The following GRID1 variants were observed in gnomAD, a reference collection of about 807,000 sequenced individuals.
GRID1 encodes the protein glutamate receptor ionotropic, delta-1.
A neutral mutation model predicts 98.0 loss-of-function variants in GRID1; 28 were observed. The observed-to-expected ratio is 0.29, with a 90% CI of 0.21 to 0.39. GRID1 has a LOEUF of 0.39. Among genes scored for constraint, GRID1 ranks in the 10% least tolerant of loss-of-function variants. GRID1 has a pLI of 1.00. For missense variants in GRID1, 1,111 were observed against 1,340.5 expected, an observed-to-expected ratio of 0.83 and a Z score of 2.67; for synonymous variants, 553 against 538.5, an observed-to-expected ratio of 1.03 and a Z score of -0.37.
chr10:85,931,499 T>G (rs1841850296), intron 4 of GRID1, among the ~76,000 whole-genome samples: 1 of 152,208 alleles, frequency 6.6e-6, no homozygotes, highest in South Asian at 2.1e-4. Context: ...ATATACCTCT[T>G]TGCCTTTTTG....
intron 2 of GRID1, among the ~76,000 whole-genome samples, chr10:86,325,059 T>C (rs185393345): frequency 2.0e-5 from 3 of 152,246 alleles, no homozygotes; most frequent in Admixed American, 6.5e-5. Context: ...AGCTTCAAAA[T>C]AGATAAGGCA....
chr10:85,699,730 G>A (rs1242954958), intron 12 of GRID1, among the ~76,000 whole-genome samples: 1 of 152,090 alleles, frequency 6.6e-6, no homozygotes, highest in Non-Finnish European at 1.5e-5. Flanking sequence ...TAGGCTTCTG[G>A]TGAATTCAGT....
intron 2 of GRID1, among the ~76,000 whole-genome samples, chr10:86,249,028 G>A (rs2814350): frequency 0.22 from 33,425 of 152,104 alleles, 4,848 homozygotes; most frequent in Non-Finnish European, 0.31. Flanking sequence ...TCCCTCACTG[G>A]AGGAGCCAAG....
intron 12 of GRID1, among the ~76,000 whole-genome samples, chr10:85,702,493 G>C (rs1841463264): frequency 6.6e-6 from 1 of 151,986 alleles, no homozygotes; most frequent in Non-Finnish European, 1.5e-5. Context: ...AAATAAATGG[G>C]ATATAAATAA....
chr10:86,226,167 C>A (rs906534999), intron 2 of GRID1, among the ~76,000 whole-genome samples: 5 of 151,978 alleles, frequency 3.3e-5, no homozygotes, highest in Non-Finnish European at 5.9e-5. Flanking sequence ...GGACAGGGGA[C>A]CTGCCTGTTT....
intron 2 of GRID1, among the ~76,000 whole-genome samples, chr10:86,287,760 T>A (rs1013197782): frequency 2.0e-5 from 3 of 151,966 alleles, no homozygotes; most frequent in African/African-American, 7.3e-5. Context: ...GTTTAAATGG[T>A]TTCTCGGTGG....
At chr10:86,140,587 C>T (rs909298744) in intron 3 of GRID1, among the ~76,000 whole-genome samples, 20 of 152,180 alleles carry the variant, frequency 1.3e-4, no homozygotes, top group African/African-American at 4.8e-4. Flanking sequence ...AAGAGCAGAG[C>T]ACCATGGCCA....
intron 5 of GRID1, among the ~76,000 whole-genome samples, chr10:85,880,586 A>C (rs1405055888): frequency 2.6e-5 from 4 of 151,926 alleles, no homozygotes; most frequent in African/African-American, 9.7e-5. Flanking sequence ...TTCATGCTAA[A>C]AACTCTCAAT....
chr10:86,183,193 T>C (rs1345443256), intron 3 of GRID1, among the ~76,000 whole-genome samples: 1 of 152,218 alleles, frequency 6.6e-6, no homozygotes, highest in Non-Finnish European at 1.5e-5. Flanking sequence ...GTTCTAGTTT[T>C]GTATAAATGT....
intron 2 of GRID1, among the ~76,000 whole-genome samples, chr10:86,208,876 A>G (rs1846071113): frequency 6.6e-6 from 1 of 152,268 alleles, no homozygotes. Context: ...CCGTAGGAAC[A>G]GCACTCAATC....
At chr10:85,698,018 T>C (rs190672162) in intron 12 of GRID1, among the ~76,000 whole-genome samples, 1 of 152,224 alleles carries the variant, frequency 6.6e-6, no homozygotes, top group African/African-American at 2.4e-5. Flanking sequence ...TTGAATGGCT[T>C]GATGGTGTAC....
intron 8 of GRID1, among the ~76,000 whole-genome samples, chr10:85,736,901 G>A (rs943466167): frequency 2.0e-5 from 3 of 152,118 alleles, no homozygotes; most frequent in Admixed American, 2.0e-4. Context: ...TCTGAGGGTA[G>A]AATATTAATA....
chr10:86,012,770 A>G (rs750978825), intron 4 of GRID1, among the ~76,000 whole-genome samples: 1 of 152,238 alleles, frequency 6.6e-6, no homozygotes, highest in Non-Finnish European at 1.5e-5. Context: ...AATGCCTTCT[A>G]TGAACCAAGA....
chr10:86,176,270 T>G (rs1845574034), intron 3 of GRID1, among the ~76,000 whole-genome samples: 1 of 152,080 alleles, frequency 6.6e-6, no homozygotes. Flanking sequence ...TGGAAGCAAA[T>G]GAATAATAGC....
intron 8 of GRID1, among the ~76,000 whole-genome samples, chr10:85,844,541 T>G (rs1377265076): frequency 6.6e-6 from 1 of 152,018 alleles, no homozygotes; most frequent in African/African-American, 2.4e-5. Context: ...ATTGTGTTAT[T>G]GCATAACAGT....
In GRID1 at chr10:85,980,596, C is replaced by T. The variant is rs149794061; in HGVS notation, c.727-64357G>A. Among the ~76,000 whole-genome samples the T allele has an allele frequency of 4.7e-3, 710 of 152,336 alleles. 3 individuals carry two copies. The highest frequency in any genetic ancestry group is 0.024 in the Middle Eastern group (7 of 294). On this transcript the variant is annotated intron_variant, in intron 4 of 15. Transcript: ENST00000327946. ...GTTTCCTGGCCAGCAGACAAACCTC[C>T]CTGCTCCTTCTTCCCTATGGAAAAC...
At position 85,635,656 on chromosome 10, in the gene GRID1, G is replaced by T. The variant is rs1843030581; in HGVS notation, c.2193+11546C>A. ...AAAAGGCAGGCCTCACTCTAGAGAAGCCCCAAGTCTAGCAGGGCTGTGACA... is the reference window on the plus strand; with the variant it reads ...AAAAGGCAGGCCTCACTCTAGAGAATCCCCAAGTCTAGCAGGGCTGTGACA... On this transcript the variant is annotated intron_variant, in intron 13 of 15. Transcript: ENST00000327946. 2.0e-5 allele frequency among the ~76,000 whole-genome samples: 3 copies of T among 152,166 alleles called. No homozygotes were observed. The South Asian group carries it at 6.2e-4, about 32-fold the overall frequency.
chr10:86,150,299 A>G (rs976485629), intron 3 of GRID1, among the ~76,000 whole-genome samples: 1 of 152,084 alleles, frequency 6.6e-6, no homozygotes, highest in African/African-American at 2.4e-5. Context: ...TCAATGCTTC[A>G]TTTCTTTTCT....
chr10:86,143,321 C>T (rs1445429495), intron 3 of GRID1, among the ~76,000 whole-genome samples: 3 of 152,170 alleles, frequency 2.0e-5, no homozygotes, highest in Non-Finnish European at 4.4e-5. Context: ...GGCCACGGAA[C>T]CCCACTTCTC....
Sources: gnomAD v4.1 joint callset for allele counts (sites outside exome capture counted in the v4.1 genomes callset) on GRCh38, gnomAD v4.1.1 for gene constraint, MANE v1.5 for transcripts, NCBI Gene and HGNC (gene_info 2026-07-23, HGNC 2026-07-21) for gene names.